KCNH7: variants seen among roughly 807,000 people sequenced by gnomAD.
KCNH7 encodes the protein potassium voltage-gated channel subfamily H member 7.
A neutral mutation model predicts 120.8 loss-of-function variants in KCNH7; 49 were observed. That is an observed-to-expected ratio of 0.41 (90% confidence interval 0.32 to 0.51). The LOEUF (loss-of-function observed/expected upper bound fraction) is 0.51. Among genes scored for constraint, KCNH7 ranks in the 20% least tolerant of loss-of-function variants. The probability of loss-of-function intolerance (pLI) is 0.38; values close to 1 mark genes in which losing one functional copy is unlikely to be tolerated. For missense variants in KCNH7, 1,097 were observed against 1,446.6 expected (o/e 0.76, Z 3.92); for synonymous variants, 547 against 516.1 (o/e 1.06, Z -0.81).
Position 162,769,279 on chromosome 2 carries a change from A to C in KCNH7, c.307+67258T>G, listed in dbSNP as rs75907835. On this transcript the variant is annotated intron_variant, in intron 2 of 15. Transcript: ENST00000332142. ...CTGATATGCACACAAATTGTATTGC[A>C]AGCTCCCTAGAAGGTATTTTTCTCA... 7.9e-3 allele frequency among the ~76,000 whole-genome samples: 1,197 copies of C among 152,238 alleles called. 22 individuals carry two copies. The highest frequency in any genetic ancestry group is 0.028 in the African/African-American group (1,150 of 41,558).
chr2:162,419,302 C>T, intron 9 of KCNH7, among the ~76,000 whole-genome samples: 1 of 121,612 alleles, frequency 8.2e-6, no homozygotes, highest in East Asian at 2.5e-4. Context: ...AAAAAAGCAA[C>T]TATTCCCTTT....
chr2:162,794,583 CT>C (rs1297537996), intron 2 of KCNH7, among the ~76,000 whole-genome samples: 1 of 151,974 alleles, frequency 6.6e-6, no homozygotes, highest in Non-Finnish European at 1.5e-5. Context: ...AATGTTTACT[CT>C]TTCTCTTTTT....
intron 2 of KCNH7, among the ~76,000 whole-genome samples, chr2:162,762,407 G>T (rs1306115539): frequency 1.5e-4 from 23 of 151,912 alleles, no homozygotes; most frequent in Admixed American, 1.3e-3. Flanking sequence ...CAGGGAGGGT[G>T]AATGAAGGAG....
chr2:162,388,036 C>T (rs1573901486), intron 12 of KCNH7, among the ~76,000 whole-genome samples: 2 of 151,684 alleles, frequency 1.3e-5, no homozygotes, highest in African/African-American at 4.8e-5. Flanking sequence ...AATTCCCAGC[C>T]AGATGCCTTG....
intron 2 of KCNH7, among the ~76,000 whole-genome samples, chr2:162,704,025 A>G (rs1178145913): frequency 6.6e-6 from 1 of 152,208 alleles, no homozygotes; most frequent in African/African-American, 2.4e-5. Flanking sequence ...GTTTGTTTAT[A>G]GTAATACTGT....
chr2:162,591,926 A>T (rs1466121033), intron 2 of KCNH7, among the ~76,000 whole-genome samples: 1 of 152,036 alleles, frequency 6.6e-6, no homozygotes, highest in Non-Finnish European at 1.5e-5. Context: ...AGCTTGTTAT[A>T]TATGTCCAGT....
At chr2:162,440,599 T>A (rs1436342148) in intron 7 of KCNH7, among the ~76,000 whole-genome samples, 1 of 152,048 alleles carries the variant, frequency 6.6e-6, no homozygotes, top group Non-Finnish European at 1.5e-5. Context: ...CAAAGAAATA[T>A]ATTTTGAATG....
chr2:162,826,952 C>G (rs1685307254), intron 2 of KCNH7, among the ~76,000 whole-genome samples: 1 of 152,004 alleles, frequency 6.6e-6, no homozygotes, highest in Non-Finnish European at 1.5e-5. Context: ...ACAGAATTTG[C>G]TTAAAAGTGG....
At position 162,493,830 on chromosome 2, in the gene KCNH7, T is replaced by TAGAGA. The variant is rs1191973571; in HGVS notation, c.1128+10608_1128+10612dup. 2.0e-5 allele frequency among the ~76,000 whole-genome samples: 3 copies of TAGAGA among 152,264 alleles called. No homozygotes were observed. In the East Asian group the frequency reaches 5.8e-4, roughly 29 times the overall value. ...GAGAATGTAAATTTTTGCTTAGGGT[T>TAGAGA]AGAGAATAGTTTTGAAATAGAAAAG... On this transcript the variant is annotated intron_variant, in intron 6 of 15. Transcript: ENST00000332142.
chr2:162,806,899 G>T (rs1292372547), intron 2 of KCNH7, among the ~76,000 whole-genome samples: 1 of 151,894 alleles, frequency 6.6e-6, no homozygotes, highest in Non-Finnish European at 1.5e-5. Flanking sequence ...ACAGAAACTA[G>T]CTGGTTTGAC....
At chr2:162,681,783 A>G (rs183184558) in intron 2 of KCNH7, among the ~76,000 whole-genome samples, 8 of 151,230 alleles carry the variant, frequency 5.3e-5, no homozygotes, top group Non-Finnish European at 1.0e-4. Flanking sequence ...ACATAAAGAG[A>G]GTTCAAGTCA....
chr2:162,531,041 G>T (rs745527369), intron 3 of KCNH7, among the ~76,000 whole-genome samples: 1 of 151,864 alleles, frequency 6.6e-6, no homozygotes, highest in Admixed American at 6.6e-5. Flanking sequence ...CCTTTGTAAT[G>T]CTCTGGAAAT....
intron 13 of KCNH7, among the ~76,000 whole-genome samples, chr2:162,381,081 G>T (rs1686402788): frequency 6.6e-6 from 1 of 152,094 alleles, no homozygotes; most frequent in Admixed American, 6.6e-5. Context: ...GGAGCTGGGA[G>T]TTGACTTTGG....
intron 9 of KCNH7, among the ~76,000 whole-genome samples, chr2:162,403,354 T>A (rs1158371641): frequency 6.6e-6 from 1 of 151,994 alleles, no homozygotes; most frequent in African/African-American, 2.4e-5. Context: ...CATCTCGCTA[T>A]AATTCTTGTT....
At chr2:162,425,416 T>A (rs958493020) in intron 8 of KCNH7, among the ~76,000 whole-genome samples, 2 of 152,152 alleles carry the variant, frequency 1.3e-5, no homozygotes, top group Non-Finnish European at 2.9e-5. Flanking sequence ...AGAGCAGATG[T>A]TTAGATTGTA....
At chr2:162,627,252 T>C (rs1683593201) in intron 2 of KCNH7, among the ~76,000 whole-genome samples, 1 of 152,134 alleles carries the variant, frequency 6.6e-6, no homozygotes, top group South Asian at 2.1e-4. Flanking sequence ...GAGAAGTCTG[T>C]GATTGGCCAC....
At chr2:162,599,043 G>A (rs1694467266) in intron 2 of KCNH7, among the ~76,000 whole-genome samples, 1 of 151,902 alleles carries the variant, frequency 6.6e-6, no homozygotes, top group African/African-American at 2.4e-5. Flanking sequence ...ATCACTTGAG[G>A]TCAGGAGTTC....
chr2:162,410,500 A>T (rs1013237224), intron 9 of KCNH7, among the ~76,000 whole-genome samples: 6 of 152,040 alleles, frequency 3.9e-5, no homozygotes, highest in Non-Finnish European at 1.5e-5. Flanking sequence ...ATGAAATGAC[A>T]TTCCAGGCCA....
chr2:162,425,571 T>A (rs1687831913), intron 8 of KCNH7, among the ~76,000 whole-genome samples: 1 of 152,174 alleles, frequency 6.6e-6, no homozygotes, highest in Non-Finnish European at 1.5e-5. Context: ...TCATCCTAAA[T>A]GTAGTGGGGA....
Sources: gnomAD v4.1 joint callset for allele counts (sites outside exome capture counted in the v4.1 genomes callset) on GRCh38, gnomAD v4.1.1 for gene constraint, MANE v1.5 for transcripts, NCBI Gene and HGNC (gene_info 2026-07-23, HGNC 2026-07-21) for gene names.